Variants in PLXDC2 observed in about 807,000 individuals in gnomAD.
PLXDC2 encodes the protein plexin domain-containing protein 2.
PLXDC2 carries 40 observed loss-of-function variants against 68.9 expected under a neutral mutation model. That is an observed-to-expected ratio of 0.58 (90% CI 0.45 to 0.76). The LOEUF (loss-of-function observed/expected upper bound fraction) is 0.76, where lower values mean the gene tolerates loss of function less well. Ranked by LOEUF, PLXDC2 falls within the 30% of genes least tolerant of loss-of-function variation. The pLI, the probability that PLXDC2 is intolerant of heterozygous loss-of-function variation, is 0.00. For synonymous variants in PLXDC2, 243 were observed against 234.2 expected, an observed-to-expected ratio of 1.04 and a Z score of -0.34; for missense variants, 644 against 661.9, an observed-to-expected ratio of 0.97 and a Z score of 0.30.
At chr10:20,028,386 A>C (rs901549003) in intron 2 of PLXDC2, among the ~76,000 whole-genome samples, 1 of 152,210 alleles carries the variant, frequency 6.6e-6, no homozygotes, top group Non-Finnish European at 1.5e-5. Context: ...CAGTGAAAGA[A>C]AAATAGAAAT....
At chr10:20,192,916 C>T (rs1484980221) in intron 9 of PLXDC2, among the ~76,000 whole-genome samples, 2 of 152,056 alleles carry the variant, frequency 1.3e-5, no homozygotes, top group African/African-American at 4.8e-5. Flanking sequence ...CCAATGTTGT[C>T]TGTGAATGAT....
chr10:19,857,095 A>T (rs896250748), intron 1 of PLXDC2, among the ~76,000 whole-genome samples: 10 of 152,224 alleles, frequency 6.6e-5, no homozygotes, highest in Non-Finnish European at 1.2e-4. Flanking sequence ...CACAAGAAGC[A>T]ACAAGTTACC....
intron 12 of PLXDC2, among the ~76,000 whole-genome samples, chr10:20,229,415 G>A (rs192698387): frequency 2.0e-3 from 307 of 150,364 alleles, no homozygotes; most frequent in Admixed American, 3.9e-3. Context: ...CCTAAACTTG[G>A]TAGCATTCCT....
intron 9 of PLXDC2, among the ~76,000 whole-genome samples, chr10:20,191,898 C>A (rs541168964): frequency 6.6e-6 from 1 of 151,994 alleles, no homozygotes; most frequent in African/African-American, 2.4e-5. Flanking sequence ...CTGCCTTATA[C>A]CTAGAGATGC....
Position 20,262,602 on chromosome 10 carries a change from C to T in PLXDC2, c.1473+17097C>T, listed in dbSNP as rs182262169. Among the ~76,000 whole-genome samples the T allele has an allele frequency of 4.0e-3, 614 of 152,312 alleles. 6 individuals are homozygous for T. Among genetic ancestry groups the T allele is most frequent in the African/African-American group, 0.014 (573 of 41,572 alleles). On this transcript the variant is annotated intron_variant, in intron 13 of 13. Coordinates refer to ENST00000377252, the MANE Select transcript of PLXDC2 (RefSeq NM_032812.9). ...AATACCCCAGCAAAGCACAGCTGCT[C>T]TACCAAAACGAAGGCCAGACTGCTG...
intron 1 of PLXDC2, among the ~76,000 whole-genome samples, chr10:19,955,785 T>C (rs1176904012): frequency 6.6e-6 from 1 of 152,154 alleles, no homozygotes; most frequent in African/African-American, 2.4e-5. Context: ...ATTTAAAATT[T>C]TGAAACATTC....
intron 1 of PLXDC2, among the ~76,000 whole-genome samples, chr10:19,926,364 G>A (rs768473489): frequency 3.2e-4 from 49 of 152,194 alleles, no homozygotes; most frequent in Admixed American, 1.2e-3. Context: ...CATAGGGTGG[G>A]TGGCAGGTGT....
chr10:20,151,345 C>T (rs1834150687), intron 6 of PLXDC2, among the ~76,000 whole-genome samples: 1 of 152,142 alleles, frequency 6.6e-6, no homozygotes, highest in African/African-American at 2.4e-5. Context: ...CAATAGTTTC[C>T]TACAGCTTTA....
chr10:19,966,477 G>T (rs905123392), intron 1 of PLXDC2, among the ~76,000 whole-genome samples: 2 of 8,844 alleles, frequency 2.3e-4, no homozygotes, highest in African/African-American at 2.4e-3. Context: ...ACATAGATGA[G>T]TAGACCAATG....
intron 9 of PLXDC2, among the ~76,000 whole-genome samples, chr10:20,210,372 C>G (rs962627185): frequency 2.6e-5 from 4 of 151,956 alleles, no homozygotes; most frequent in Admixed American, 2.6e-4. Flanking sequence ...CATAGTTAAC[C>G]ATGGATAACT....
Position 19,979,907 on chromosome 10 carries a change from G to A in PLXDC2, c.113-21868G>A, listed in dbSNP as rs573915006. On this transcript the variant is annotated intron_variant, in intron 1 of 13. Coordinates refer to ENST00000377252, the MANE Select transcript of PLXDC2 (RefSeq NM_032812.9). ...TAATTCAGACTGATCTGGGAGCCTG[G>A]CATTCTGTTCATTTTCCTAATTGAA... Among the ~76,000 whole-genome samples the A allele has an allele frequency of 1.4e-4, 22 of 152,240 alleles. No homozygotes were observed. The East Asian group carries it at 4.1e-3, about 28-fold the overall frequency.
At chr10:20,131,593 T>G (rs928347760) in intron 4 of PLXDC2, among the ~76,000 whole-genome samples, 2 of 152,082 alleles carry the variant, frequency 1.3e-5, no homozygotes, top group African/African-American at 4.8e-5. Context: ...AGAGACAGGG[T>G]TTCATCATAT....
chr10:19,866,389 A>C (rs1837416689), intron 1 of PLXDC2, among the ~76,000 whole-genome samples: 1 of 152,096 alleles, frequency 6.6e-6, no homozygotes, highest in Admixed American at 6.5e-5. Context: ...TAAGCCGGCA[A>C]AGTTGCATTT....
chr10:20,132,040 A>T (rs1833874616), intron 4 of PLXDC2, among the ~76,000 whole-genome samples: 1 of 152,144 alleles, frequency 6.6e-6, no homozygotes, highest in African/African-American at 2.4e-5. Flanking sequence ...TTGGAAAGTT[A>T]TATTTGCATT....
intron 12 of PLXDC2, among the ~76,000 whole-genome samples, chr10:20,224,327 A>G (rs1835258018): frequency 6.6e-6 from 1 of 152,002 alleles, no homozygotes; most frequent in African/African-American, 2.4e-5. Flanking sequence ...CATTTACAAC[A>G]TTTTCTTTTG....
chr10:19,957,082 A>T (rs1834082310), intron 1 of PLXDC2, among the ~76,000 whole-genome samples: 1 of 152,190 alleles, frequency 6.6e-6, no homozygotes, highest in African/African-American at 2.4e-5. Context: ...CAATTTGGAA[A>T]TTTTATAAAT....
intron 1 of PLXDC2, among the ~76,000 whole-genome samples, chr10:19,849,650 G>A (rs1375653527): frequency 6.6e-6 from 1 of 152,066 alleles, no homozygotes; most frequent in Non-Finnish European, 1.5e-5. Flanking sequence ...CACCATGATT[G>A]TAAGTTTCCT....
At chr10:20,153,737 C>T (rs1231304626) in intron 6 of PLXDC2, among the ~76,000 whole-genome samples, 1 of 152,078 alleles carries the variant, frequency 6.6e-6, no homozygotes, top group Non-Finnish European at 1.5e-5. Flanking sequence ...ACCTGAAATA[C>T]CCAGAGACCT....
intron 4 of PLXDC2, among the ~76,000 whole-genome samples, chr10:20,118,131 C>G (rs1038672771): frequency 7.0e-6 from 1 of 143,496 alleles, no homozygotes; most frequent in African/African-American, 2.5e-5. Context: ...CACACACACA[C>G]ACACACAGAC....
Sources: gnomAD v4.1 joint callset for allele counts (sites outside exome capture counted in the v4.1 genomes callset) on GRCh38, gnomAD v4.1.1 for gene constraint, MANE v1.5 for transcripts, NCBI Gene and HGNC (gene_info 2026-07-23, HGNC 2026-07-21) for gene names.